The following ADAMTS16 variants were observed in gnomAD, a reference collection of about 807,000 sequenced individuals.
The protein encoded by ADAMTS16 is ADAM metallopeptidase with thrombospondin type 1 motif 16, also known as A disintegrin and metalloproteinase with thrombospondin motifs 16.
ADAMTS16 carries 94 observed loss-of-function variants against 145.8 expected under a neutral mutation model. The ratio of observed to expected loss-of-function variants is 0.64; its 90% CI spans 0.55 to 0.77. The LOEUF (loss-of-function observed/expected upper bound fraction) is 0.77. Among genes scored for constraint, ADAMTS16 ranks in the 30% least tolerant of loss-of-function variants. The pLI is 0.00. For synonymous variants in ADAMTS16, 659 were observed against 604.3 expected (o/e 1.09, Z -1.33); for missense variants, 1,585 against 1,591.5 (o/e 1.00, Z 0.07).
At chr5:5,178,776 C>G (rs1241155743) in intron 3 of ADAMTS16, among the ~76,000 whole-genome samples, 1 of 152,036 alleles carries the variant, frequency 6.6e-6, no homozygotes, top group Non-Finnish European at 1.5e-5. Flanking sequence ...TAGCCTTGAG[C>G]CTGGGGGAAA....
intron 21 of ADAMTS16, among the ~76,000 whole-genome samples, chr5:5,309,213 T>A (rs1740313302): frequency 6.6e-6 from 1 of 152,194 alleles, no homozygotes; most frequent in East Asian, 1.9e-4. Context: ...CCTACACACA[T>A]CCTCCAGGTG....
At chr5:5,166,529 C>A (rs1336950113) in intron 3 of ADAMTS16, among the ~76,000 whole-genome samples, 1 of 152,130 alleles carries the variant, frequency 6.6e-6, no homozygotes, top group South Asian at 2.1e-4. Context: ...AGGCTTCCTG[C>A]GGGAGTCCTG....
chr5:5,236,440 A>T (rs1189677987), intron 13 of ADAMTS16, among the ~76,000 whole-genome samples: 1 of 152,212 alleles, frequency 6.6e-6, no homozygotes, highest in Non-Finnish European at 1.5e-5. Flanking sequence ...CAATATTTTA[A>T]AACAGTTTAT....
At chr5:5,205,193 TG>T (rs1344212327) in intron 9 of ADAMTS16, among the ~76,000 whole-genome samples, 2 of 152,192 alleles carry the variant, frequency 1.3e-5, no homozygotes, top group Non-Finnish European at 2.9e-5. Flanking sequence ...TCTCTGACTC[TG>T]TGACTTTTTA....
At chr5:5,248,704 A>G (rs558582757) in intron 17 of ADAMTS16, among the ~76,000 whole-genome samples, 46 of 152,220 alleles carry the variant, frequency 3.0e-4, no homozygotes, top group Non-Finnish European at 5.0e-4. Flanking sequence ...GAGGCTCTCC[A>G]TTCCATCACG....
At chr5:5,275,059 A>G (rs1270778689) in intron 18 of ADAMTS16, among the ~76,000 whole-genome samples, 1 of 152,226 alleles carries the variant, frequency 6.6e-6, no homozygotes, top group African/African-American at 2.4e-5. Context: ...TGTCCATGCA[A>G]TTACTGCAAA....
At chr5:5,304,918 G>C (rs1739966202) in intron 20 of ADAMTS16, among the ~76,000 whole-genome samples, 1 of 151,576 alleles carries the variant, frequency 6.6e-6, no homozygotes, top group African/African-American at 2.4e-5. Context: ...TGTCCAGGTA[G>C]AAAGTCCTTG....
At chr5:5,306,378 C>A in intron 20 of ADAMTS16, 126 bp from the exon 21 acceptor site, 2 of 836,748 alleles carry the variant, frequency 2.4e-6, no homozygotes, top group South Asian at 3.5e-5. Context: ...TGCTAAGGTC[C>A]AATAATTTTC....
Position 5,190,171 on chromosome 5 carries a change from G to A in ADAMTS16, c.1207+41G>A, listed in dbSNP as rs183846779. The A allele has an allele frequency of 8.5e-4, 1,301 of 1,522,544 alleles. 3 individuals carry two copies. In the Middle Eastern group the frequency reaches 8.8e-3, roughly 10 times the overall value. 94.3% of individuals were successfully genotyped at this position (1,522,544 alleles called of 1,614,324 possible). A position where few individuals can be genotyped will look rare whatever the true frequency, so the allele number is the denominator to read the frequency against. The stretch of plus-strand genomic sequence containing the variant: ...AGAGTGTGAGGACCGTGTGTGGAAT[G>A]TGCACCCCTGGCCGTGACACAGTGT... On this transcript the variant is annotated intron_variant, in intron 7 of 22. Transcript: ENST00000274181.
At chr5:5,172,715 C>T (rs1381872515) in intron 3 of ADAMTS16, among the ~76,000 whole-genome samples, 1 of 149,876 alleles carries the variant, frequency 6.7e-6, no homozygotes, top group Admixed American at 6.6e-5. Context: ...GTGTATTCTG[C>T]AACTATTGGA....
chr5:5,215,847 A>G (rs1736417333), intron 10 of ADAMTS16, among the ~76,000 whole-genome samples: 1 of 136,278 alleles, frequency 7.3e-6, no homozygotes, highest in East Asian at 2.1e-4. Flanking sequence ...GTGTGTATAT[A>G]TATATATATG....
chr5:5,202,394 CAA>C (rs963344114), intron 9 of ADAMTS16, among the ~76,000 whole-genome samples: 1 of 151,914 alleles, frequency 6.6e-6, no homozygotes, highest in East Asian at 1.9e-4. Flanking sequence ...ATTATATTAC[CAA>C]AAAAAGACAA....
chr5:5,257,226 A>C (rs901584694), intron 17 of ADAMTS16, among the ~76,000 whole-genome samples: 1 of 152,172 alleles, frequency 6.6e-6, no homozygotes, highest in Non-Finnish European at 1.5e-5. Context: ...AATATCCCCT[A>C]TTTTGATAAT....
intron 10 of ADAMTS16, among the ~76,000 whole-genome samples, chr5:5,216,025 A>G (rs1170229257): frequency 6.6e-6 from 1 of 151,286 alleles, no homozygotes; most frequent in East Asian, 1.9e-4. Flanking sequence ...TCTTTTTTGA[A>G]TAATGACTTA....
At chr5:5,318,053 T>G in intron 21 of ADAMTS16, 81 bp from the exon 22 acceptor site, 2 of 1,269,082 alleles carry the variant, frequency 1.6e-6, no homozygotes, top group Non-Finnish European at 1.0e-6. Context: ...CAGCAGGCCT[T>G]TTAGAAAGGT....
At chr5:5,271,117 C>A (rs1738455154) in intron 18 of ADAMTS16, among the ~76,000 whole-genome samples, 1 of 152,208 alleles carries the variant, frequency 6.6e-6, no homozygotes, top group Non-Finnish European at 1.5e-5. Context: ...AAAAAGGAAA[C>A]CTGCTGTGCT....
intron 5 of ADAMTS16, among the ~76,000 whole-genome samples, chr5:5,187,083 C>CACGG (rs1735522840): frequency 6.6e-6 from 1 of 152,220 alleles, no homozygotes; most frequent in Non-Finnish European, 1.5e-5. Flanking sequence ...TCAAAGCAAG[C>CACGG]ACGGCCCTGT....
In ADAMTS16 at chr5:5,295,460, G is replaced by A. The variant is rs186526725; in HGVS notation, c.2790-7808G>A. On this transcript the variant is annotated intron_variant, in intron 18 of 22. Transcript: ENST00000274181. ...ATTCAGCTGCCATAAACAGATTGGAGGACAGATTCAGCCCATTCCCTGTGA... is the reference window on the plus strand; with the variant it reads ...ATTCAGCTGCCATAAACAGATTGGAAGACAGATTCAGCCCATTCCCTGTGA... Among the ~76,000 whole-genome samples, 336 of 152,316 alleles carry A rather than the reference G, an allele frequency of 2.2e-3. 4 individuals are homozygous for A. The highest frequency in any genetic ancestry group is 7.9e-3 in the African/African-American group (328 of 41,572).
intron 3 of ADAMTS16, among the ~76,000 whole-genome samples, chr5:5,152,746 T>C (rs1352225438): frequency 1.3e-5 from 2 of 152,256 alleles, no homozygotes; most frequent in Non-Finnish European, 2.9e-5. Context: ...TAAAATGTTT[T>C]TCAGTAATTG....
Sources: allele counts gnomAD v4.1 joint callset (sites outside exome capture counted in the v4.1 genomes callset), GRCh38; gene constraint gnomAD v4.1.1; transcripts MANE v1.5; gene names NCBI Gene and HGNC (gene_info 2026-07-23, HGNC 2026-07-21).